The following DPH6 variants were observed in gnomAD, a reference collection of about 807,000 sequenced individuals.
DPH6 encodes the protein diphthamine biosynthesis 6.
Under a neutral mutation model 38.2 loss-of-function variants are expected in DPH6, and 33 were observed. The observed-to-expected ratio is 0.86, with a 90% CI of 0.65 to 1.15. The LOEUF (loss-of-function observed/expected upper bound fraction) is 1.15. Among genes scored for constraint, DPH6 ranks in the 50% most tolerant of loss-of-function variants. DPH6 has a pLI of 0.00. For missense variants in DPH6, 325 were observed against 320.0 expected (o/e 1.02, Z -0.12); for synonymous variants, 108 against 103.0 (o/e 1.05, Z -0.30).
chr15:35,215,732 A>G (rs889317483), downstream of DPH6, among the ~76,000 whole-genome samples: 1 of 152,190 alleles, frequency 6.6e-6, no homozygotes, highest in African/African-American at 2.4e-5. Flanking sequence ...TTAATGCGCT[A>G]GGCATTTTAC....
chr15:35,223,013 C>A (rs1282222527), intron 3 of DPH6, among the ~76,000 whole-genome samples: 1 of 152,148 alleles, frequency 6.6e-6, no homozygotes, highest in African/African-American at 2.4e-5. Context: ...AAGACTTATT[C>A]CATTTCACAG....
Position 35,261,929 on chromosome 15 carries a change from G to A in DPH6, n.201-41347C>T, listed in dbSNP as rs13313500. 6.4e-3 allele frequency among the ~76,000 whole-genome samples: 977 copies of A among 152,186 alleles called. 23 individuals carry two copies. Among genetic ancestry groups the A allele is most frequent in the African/African-American group, 0.022 (924 of 41,510 alleles). ...AACATAGATTAAAATAGTTTCACCT[G>A]AAGCTACAGTAGTAAAGAGAAGTAA... is the stretch of plus-strand genomic sequence containing the variant. On this transcript the variant is annotated intron_variant and non_coding_transcript_variant, in intron 3 of 3. Transcript: ENST00000560386.
chr15:35,413,517 C>T (rs1161143448), intron 5 of DPH6, among the ~76,000 whole-genome samples: 1 of 151,672 alleles, frequency 6.6e-6, no homozygotes, highest in Non-Finnish European at 1.5e-5. Context: ...AATTATTCTG[C>T]TTATCAAGAA....
the DPH6 span, among the ~76,000 whole-genome samples, chr15:35,198,923 T>C: frequency 6.6e-6 from 1 of 151,908 alleles, no homozygotes; most frequent in Non-Finnish European, 1.5e-5. Flanking sequence ...TCTTCTTCTT[T>C]TTTTTTTTAG....
At chr15:35,403,822 CTT>C (rs550585754) in intron 6 of DPH6, among the ~76,000 whole-genome samples, 59 of 141,866 alleles carry the variant, frequency 4.2e-4, no homozygotes, top group Admixed American at 4.3e-4. Context: ...TCATTCATTC[CTT>C]TTTTTTTTTT....
chr15:35,260,135 G>A (rs1190823916), intron 3 of DPH6, among the ~76,000 whole-genome samples: 1 of 152,122 alleles, frequency 6.6e-6, no homozygotes, highest in South Asian at 2.1e-4. Context: ...TTGAGACAGA[G>A]TCTTGCTCTG....
intron 6 of DPH6, chr15:35,401,917 CAT>C (rs1298467054): frequency 2.4e-6 from 1 of 418,462 alleles, no homozygotes; most frequent in Non-Finnish European, 4.5e-6. Flanking sequence ...GACAAATACT[CAT>C]GTGTATGGGC....
chr15:35,443,788 A>G (rs2053817222), intron 5 of DPH6, among the ~76,000 whole-genome samples: 1 of 152,184 alleles, frequency 6.6e-6, no homozygotes, highest in African/African-American at 2.4e-5. Context: ...ATTTGCTCAG[A>G]AGGTCCTAAC....
chr15:35,475,735 G>A (rs1317685443), intron 3 of DPH6, among the ~76,000 whole-genome samples: 1 of 151,254 alleles, frequency 6.6e-6, no homozygotes, highest in East Asian at 1.9e-4. Flanking sequence ...AGCACCAGAG[G>A]GACCAGAAAG....
chr15:35,241,293 C>T (rs1347904500), intron 3 of DPH6, among the ~76,000 whole-genome samples: 2 of 137,308 alleles, frequency 1.5e-5, no homozygotes, highest in African/African-American at 2.6e-5. Flanking sequence ...TCACGGACGC[C>T]GAGCTTTGGG....
At chr15:35,308,957 A>G (rs2052116841) in intron 3 of DPH6, among the ~76,000 whole-genome samples, 1 of 152,222 alleles carries the variant, frequency 6.6e-6, no homozygotes, top group Admixed American at 6.5e-5. Flanking sequence ...ACATTCTCAA[A>G]TGCTTATTTA....
intron 5 of DPH6, among the ~76,000 whole-genome samples, chr15:35,440,206 A>C (rs1265110313): frequency 2.0e-5 from 3 of 152,216 alleles, no homozygotes; most frequent in Non-Finnish European, 2.9e-5. Context: ...TGATGGGAGT[A>C]AATAAGGTGC....
At chr15:35,262,459 C>A (rs2051753541) in intron 3 of DPH6, among the ~76,000 whole-genome samples, 1 of 152,096 alleles carries the variant, frequency 6.6e-6, no homozygotes, top group African/African-American at 2.4e-5. Context: ...GTAATCCCAG[C>A]ACTTTGGGAG....
rs1038139027 is a variant in DPH6, at chr15:35,371,257, G to C, written c.*893C>G. On this transcript the variant is annotated 3_prime_UTR_variant, in exon 9 of 9. Coordinates refer to ENST00000256538, the MANE Select transcript of DPH6 (RefSeq NM_080650.4). ...TTTTTTAAGGCAGTGAAATTATTCT[G>C]TATAATACTATAACGGTTGACAAAT... 4 of 151,738 alleles carry C rather than the reference G, an allele frequency of 2.6e-5. No homozygotes were observed. Among genetic ancestry groups the C allele is most frequent in the African/African-American group, 9.7e-5 (4 of 41,354 alleles). The allele number at this position is 151,738 out of a possible 1,614,324, so 9.4% of individuals were successfully genotyped here.
chr15:35,199,718 G>T, the DPH6 span, among the ~76,000 whole-genome samples: 2 of 150,986 alleles, frequency 1.3e-5, no homozygotes, highest in Admixed American at 6.6e-5. Context: ...AAAAAAAAAA[G>T]AATGGGGATA....
At chr15:35,204,697 C>A in the DPH6 span, among the ~76,000 whole-genome samples, 1 of 151,776 alleles carries the variant, frequency 6.6e-6, no homozygotes, top group Non-Finnish European at 1.5e-5. Context: ...TAATCAAACT[C>A]CTCCATTCTA....
intron 3 of DPH6, among the ~76,000 whole-genome samples, chr15:35,311,062 A>AAACAAC (rs10648219): frequency 0.051 from 7,689 of 150,612 alleles, 625 homozygotes; most frequent in African/African-American, 0.18. Context: ...GCCACCTCAA[A>AAACAAC]AACAACAACA....
the DPH6 span, among the ~76,000 whole-genome samples, chr15:35,166,141 CCTT>C: frequency 6.6e-6 from 1 of 151,860 alleles, no homozygotes; most frequent in Non-Finnish European, 1.5e-5. Flanking sequence ...CCTTTTCTGT[CCTT>C]CTCCCCTGAA....
intron 3 of DPH6, among the ~76,000 whole-genome samples, chr15:35,249,756 G>A (rs2051658907): frequency 6.6e-6 from 1 of 152,114 alleles, no homozygotes; most frequent in Non-Finnish European, 1.5e-5. Context: ...TATTACTTAA[G>A]TTTGTGTGAT....
Sources: gnomAD v4.1 joint callset for allele counts (sites outside exome capture counted in the v4.1 genomes callset) on GRCh38, gnomAD v4.1.1 for gene constraint, MANE v1.5 for transcripts, NCBI Gene and HGNC (gene_info 2026-07-23, HGNC 2026-07-21) for gene names.